Variants in FBXO40 observed in about 807,000 individuals in gnomAD.
FBXO40 encodes the protein F-box protein 40.
FBXO40 carries 50 observed loss-of-function variants against 49.9 expected under a neutral mutation model. That is an observed-to-expected ratio of 1.00 (90% CI 0.80 to 1.27). The LOEUF is 1.27. Among genes scored for constraint, FBXO40 ranks in the 50% most tolerant of loss-of-function variants. FBXO40 has a pLI of 0.00. For missense variants in FBXO40, 895 were observed against 870.1 expected (o/e 1.03, Z -0.36); for synonymous variants, 340 against 320.2 (o/e 1.06, Z -0.66).
intron 3 of FBXO40, among the ~76,000 whole-genome samples, chr3:121,625,333 A>G (rs1455165258): frequency 6.6e-6 from 1 of 152,186 alleles, no homozygotes; most frequent in African/African-American, 2.4e-5. Flanking sequence ...TCACTGTTGA[A>G]TTTCTTCCTA....
In FBXO40 at chr3:121,607,300, C is replaced by CTTTTTTTTTTTT. The variant is rs555162944; in HGVS notation, c.-30-13232_-30-13221dup. ...AAAAAATTGAGAGACCTCTAAAGCT[C>CTTTTTTTTTTTT]TTTTTTTTTTTTTTTTTTTTTTTTT... is the stretch of plus-strand genomic sequence containing the variant. On this transcript the variant is annotated intron_variant, in intron 1 of 3. Coordinates refer to ENST00000338040, the MANE Select transcript of FBXO40 (RefSeq NM_016298.4). Among the ~76,000 whole-genome samples, 33 of 60,126 alleles carry CTTTTTTTTTTTT rather than the reference C, an allele frequency of 5.5e-4. 2 individuals carry two copies. The highest frequency in any genetic ancestry group is 1.0e-3 in the South Asian group (1 of 980). 39.4% of individuals were successfully genotyped at this position (60,126 alleles called of 152,430 possible). A position where few individuals can be genotyped will look rare whatever the true frequency, so the allele number is the denominator to read the frequency against.
At chr3:121,600,229 G>A (rs560643940) in intron 1 of FBXO40, among the ~76,000 whole-genome samples, 9 of 130,714 alleles carry the variant, frequency 6.9e-5, no homozygotes, top group African/African-American at 2.3e-4. Flanking sequence ...TAGTAGAGAC[G>A]AGGTCTTGCT....
intron 1 of FBXO40, among the ~76,000 whole-genome samples, chr3:121,610,703 G>A (rs188522217): frequency 9.9e-5 from 15 of 152,180 alleles, no homozygotes; most frequent in Admixed American, 2.6e-4. Flanking sequence ...GCAGTGGCAA[G>A]ATCTTGGCTC....
rs1448603578 is a variant in FBXO40, at chr3:121,624,035, G to A, written c.1914+692G>A. On this transcript the variant is annotated intron_variant, in intron 3 of 3. Transcript: ENST00000338040. ...GATGGAGTTTTGCTCTTGTTGCCCA[G>A]GCTGGAGTGCAATGGTGCAATCTCA... Among the ~76,000 whole-genome samples, 3 of 135,132 alleles carry A rather than the reference G, an allele frequency of 2.2e-5. No individual in the cohort carries two copies. The Admixed American group carries it at 2.4e-4, about 11-fold the overall frequency. The allele number at this position is 135,132 out of a possible 152,430, so 88.7% of individuals were successfully genotyped here. A position where few individuals can be genotyped will look rare whatever the true frequency, so the allele number is the denominator to read the frequency against.
intron 1 of FBXO40, among the ~76,000 whole-genome samples, chr3:121,605,379 T>C (rs950166958): frequency 1.1e-4 from 16 of 152,318 alleles, no homozygotes; most frequent in Admixed American, 8.5e-4. Flanking sequence ...GCATATCAGT[T>C]GGGTTTTGGT....
At chr3:121,615,770 C>G (rs2048994422) in intron 1 of FBXO40, among the ~76,000 whole-genome samples, 9 of 152,092 alleles carry the variant, frequency 5.9e-5, no homozygotes, top group Admixed American at 5.9e-4. Context: ...GGGCACTCTG[C>G]AGGCTTGGTG....
chr3:121,593,549 T>A (rs1264456549), intron 1 of FBXO40, 47 bp downstream of exon 1: 1 of 152,202 alleles, frequency 6.6e-6, no homozygotes, highest in Non-Finnish European at 1.5e-5. Flanking sequence ...GGACATTCAG[T>A]GGTGAATATG....
At chr3:121,612,129 C>T (rs2048969468) in intron 1 of FBXO40, among the ~76,000 whole-genome samples, 1 of 152,186 alleles carries the variant, frequency 6.6e-6, no homozygotes, top group South Asian at 2.1e-4. Context: ...CTCTCAAATT[C>T]ATCTATGAAT....
intron 1 of FBXO40, among the ~76,000 whole-genome samples, chr3:121,602,098 A>G (rs1003625821): frequency 5.9e-5 from 9 of 152,210 alleles, no homozygotes; most frequent in Non-Finnish European, 1.5e-5. Context: ...TTGAGGCCGT[A>G]GCTCACTTTT....
intron 1 of FBXO40, among the ~76,000 whole-genome samples, chr3:121,599,222 C>T (rs898864811): frequency 6.6e-6 from 1 of 152,122 alleles, no homozygotes; most frequent in Admixed American, 6.5e-5. Context: ...AATCCTAGCA[C>T]GTTGGGAGGC....
In FBXO40 at chr3:121,626,865, A is replaced by G. The variant is rs749786640; in HGVS notation, c.2085A>G (p.Leu695=). ...CQPREQARES[L]VSTFRIRPRG... ...CCCGTGAGCAGGCCCGAGAGAGCTT[A>G]GTCTCCACCTTTAGAATCAGACCAC... Residue 695 remains leucine (L), a synonymous_variant, in exon 4 of 4, where the codon TTA becomes TTG. Transcript: ENST00000338040. 105 of 1,614,020 alleles carry G rather than the reference A, an allele frequency of 6.5e-5. No homozygotes were observed. The highest frequency in any genetic ancestry group is 3.7e-4 in the South Asian group (34 of 91,078).
In FBXO40 at chr3:121,622,535, G is replaced by A. The variant is rs778783763; in HGVS notation, c.1106G>A (p.Ser369Asn). Residue 369 changes from serine to asparagine, a missense_variant, in exon 3 of 4, where the codon AGT (serine) becomes AAT (asparagine). Transcript: ENST00000338040. ...KRARLGDAMLSCKPSEHKAVD... is the reference protein window; with the variant it reads ...KRARLGDAMLNCKPSEHKAVD... ...GCTCGACTTGGAGATGCCATGTTGA[G>A]TTGTAAGCCAAGTGAACACAAGGCA... is the stretch of plus-strand genomic sequence containing the variant. 5.6e-6 allele frequency: 9 copies of A among 1,614,216 alleles called. No homozygotes were observed. Among genetic ancestry groups the A allele is most frequent in the South Asian group, 4.4e-5 (4 of 91,082 alleles).
At chr3:121,615,595 AGAAACTATAAG>A (rs1238246432) in intron 1 of FBXO40, among the ~76,000 whole-genome samples, 5 of 151,914 alleles carry the variant, frequency 3.3e-5, no homozygotes, top group African/African-American at 2.4e-5. Context: ...GAAGAAAGAA[AGAAACTATAAG>A]GAAACTATAA....
chr3:121,599,800 G>T (rs1378568670), intron 1 of FBXO40, among the ~76,000 whole-genome samples: 2 of 147,456 alleles, frequency 1.4e-5, no homozygotes, highest in African/African-American at 5.0e-5. Flanking sequence ...TCCACTCACT[G>T]CAAACTCTGC....
rs540545946 is a variant in FBXO40 at position 121,627,357 on chromosome 3, G to A, written c.*447G>A. On this transcript the variant is annotated 3_prime_UTR_variant, in exon 4 of 4. Transcript: ENST00000338040. The stretch of plus-strand genomic sequence containing the variant: ...TGCAGGATGGGACTCCCCAGGGAAC[G>A]CAGGGTGAAGGGAACAAAGCTGGAG... 7.8e-5 allele frequency: 14 copies of A among 180,494 alleles called. No individual in the cohort carries two copies. The highest frequency in any genetic ancestry group is 6.6e-4 in the Admixed American group (12 of 18,088). The allele number at this position is 180,494 out of a possible 1,614,324, so 11.2% of individuals were successfully genotyped here. A position where few individuals can be genotyped will look rare whatever the true frequency, so the allele number is the denominator to read the frequency against.
Position 121,621,861 on chromosome 3 carries a change from G to A in FBXO40, c.432G>A (p.Val144=). The stretch of plus-strand genomic sequence containing the variant: ...TCCTCTTCAGATCCTTGAAAATGGT[G>A]GAACTTTTCCCAGAAACTAGAGAGG... ...QKVLFRSLKM[V]ELFPETREAT... The change falls in exon 3 of 4, where the codon GTG becomes GTA. Residue 144 remains valine (V), a synonymous_variant. Transcript: ENST00000338040. The A allele has an allele frequency of 6.2e-7, 1 of 1,614,190 alleles. No homozygotes were observed. The highest frequency in any genetic ancestry group is 1.1e-5 in the South Asian group (1 of 91,076).
Position 121,622,552 on chromosome 3 carries a change from C to T in FBXO40, c.1123C>T (p.His375Tyr). ...DAMLSCKPSE[H>Y]KAVDTSDLGI... ...CATGTTGAGTTGTAAGCCAAGTGAA[C>T]ACAAGGCAGTGGATACTTCAGATTT... The change falls in exon 3 of 4, where the codon CAC (histidine) becomes TAC (tyrosine). Residue 375 changes from histidine to tyrosine, a missense_variant. His to Tyr is a moderately conservative substitution (Grantham distance 83). Coordinates refer to ENST00000338040, the MANE Select transcript of FBXO40 (RefSeq NM_016298.4). 6.2e-7 allele frequency: 1 copy of T among 1,614,156 alleles called. No homozygotes were observed. The highest frequency in any genetic ancestry group is 1.1e-5 in the South Asian group (1 of 91,082).
chr3:121,622,813 G>A lies in FBXO40; in HGVS notation c.1384G>A (p.Glu462Lys), dbSNP rs765814758. 6.1e-5 allele frequency: 99 copies of A among 1,614,064 alleles called. No homozygotes were observed. Among genetic ancestry groups the A allele is most frequent in the Non-Finnish European group, 7.9e-5 (93 of 1,180,040 alleles). The change falls in exon 3 of 4, where the codon GAG (glutamate) becomes AAG (lysine). Residue 462 changes from glutamate to lysine, a missense_variant. Glu to Lys is a moderately conservative substitution (Grantham distance 56). Transcript: ENST00000338040. ...GGGACTCCACGTGGAGCTCCACAGC[G>A]AGTGTGTGACCAGGAGACACAACAA... ...PGGLHVELHS[E>K]CVTRRHNKSS...
intron 1 of FBXO40, among the ~76,000 whole-genome samples, chr3:121,602,157 C>T (rs1456657634): frequency 6.6e-6 from 1 of 152,244 alleles, no homozygotes; most frequent in Admixed American, 6.5e-5. Flanking sequence ...GCTCTCTGAT[C>T]TCTCCGTCTC....
Sources: gnomAD v4.1 joint callset for allele counts (sites outside exome capture counted in the v4.1 genomes callset) on GRCh38, gnomAD v4.1.1 for gene constraint, MANE v1.5 for transcripts, NCBI Gene and HGNC (gene_info 2026-07-23, HGNC 2026-07-21) for gene names.